Variants in ZFP64 observed in about 807,000 individuals in gnomAD.
ZFP64 encodes the protein ZFP64 zinc finger protein, also known as zinc finger protein 64.
A neutral mutation model predicts 51.6 loss-of-function variants in ZFP64; 14 were observed. That is an observed-to-expected ratio of 0.27 (90% CI 0.18 to 0.42). The LOEUF (loss-of-function observed/expected upper bound fraction) is 0.42, where lower values mean the gene tolerates loss of function less well. Ranked by LOEUF, ZFP64 falls within the 10% of genes least tolerant of loss-of-function variation. ZFP64 has a pLI of 1.00. For missense variants in ZFP64, 754 were observed against 906.8 expected (o/e 0.83, Z 2.16); for synonymous variants, 375 against 361.4 (o/e 1.04, Z -0.43).
chr20:52,173,854 T>C (rs1218967156), intron 2 of ZFP64, among the ~76,000 whole-genome samples: 1 of 152,038 alleles, frequency 6.6e-6, no homozygotes, highest in Non-Finnish European at 1.5e-5. Flanking sequence ...TTCACCATGT[T>C]GGTCAGGCTC....
At chr20:52,114,200 G>A (rs190950256) in intron 5 of ZFP64, among the ~76,000 whole-genome samples, 2 of 152,262 alleles carry the variant, frequency 1.3e-5, no homozygotes, top group East Asian at 3.9e-4. Context: ...TCAAGTAAAC[G>A]GAAACACTGA....
rs568015330 is a variant in ZFP64, at chr20:52,085,508, G to A, written c.1229-242C>T. ...GAGGCTCAGAGAGGTCAAGTTACTTGGCTCAGGTCAAACAGCAGGGATTTG... is the reference window on the plus strand; with the variant it reads ...GAGGCTCAGAGAGGTCAAGTTACTTAGCTCAGGTCAAACAGCAGGGATTTG... On this transcript the variant is annotated intron_variant, in intron 8 of 8. Transcript: ENST00000361387. This position sits in a 1 kb window ranked among gnomAD's most constrained non-coding sequence, Gnocchi z 4.3. 6.6e-6 allele frequency among the ~76,000 whole-genome samples: 1 copy of A among 152,278 alleles called. No individual in the cohort carries two copies. Among genetic ancestry groups the A allele is most frequent in the African/African-American group, 2.4e-5 (1 of 41,542 alleles).
rs6021769 is a variant in ZFP64 at position 52,164,238 on chromosome 20, G to A, written c.511+457C>T. On this transcript the variant is annotated intron_variant, in intron 4 of 5. Coordinates refer to ENST00000216923, the MANE Select transcript of ZFP64 (RefSeq NM_018197.3). ...TGAGGTGGGCGGGTCGAGTGCCACC[G>A]CACTCCAGCCTGGGCGACAGAGTGA... Among the ~76,000 whole-genome samples the A allele has an allele frequency of 2.4e-3, 363 of 152,204 alleles. 1 individual carries two copies. The highest frequency in any genetic ancestry group is 8.0e-3 in the African/African-American group (334 of 41,534).
intron 3 of ZFP64, chr20:52,165,200 T>C: frequency 4.4e-6 from 2 of 457,162 alleles, no homozygotes; most frequent in South Asian, 3.1e-5. Flanking sequence ...GGACACTTGA[T>C]GACGAAATCT....
intron 5 of ZFP64, among the ~76,000 whole-genome samples, chr20:52,154,201 TTAAG>T (rs1221973629): frequency 2.6e-5 from 4 of 152,290 alleles, no homozygotes; most frequent in African/African-American, 9.6e-5. Flanking sequence ...TCAACATTGT[TTAAG>T]TAAGCAAAAT....
At chr20:52,129,190 T>A (rs1469620577) in intron 5 of ZFP64, among the ~76,000 whole-genome samples, 1 of 151,694 alleles carries the variant, frequency 6.6e-6, no homozygotes, top group Non-Finnish European at 1.5e-5. Context: ...CACGCCGTTC[T>A]CCCGCCTCAG....
chr20:52,130,991 G>T (rs1979696867), intron 5 of ZFP64, among the ~76,000 whole-genome samples: 2 of 151,976 alleles, frequency 1.3e-5, no homozygotes, highest in Admixed American at 1.3e-4. Context: ...GCGTGAACCT[G>T]GGAGGCAGAG....
intron 2 of ZFP64, among the ~76,000 whole-genome samples, chr20:52,174,213 C>T (rs983535935): frequency 5.3e-5 from 8 of 150,692 alleles, no homozygotes; most frequent in African/African-American, 1.5e-4. Context: ...GGGCCGGGAG[C>T]GGTGGCTCAC....
At chr20:52,144,842 G>A (rs1980447169) in intron 5 of ZFP64, among the ~76,000 whole-genome samples, 1 of 151,866 alleles carries the variant, frequency 6.6e-6, no homozygotes, top group Admixed American at 6.6e-5. Context: ...GGAATCATAG[G>A]GCCACGTAAT....
chr20:52,096,562 G>A (rs1332942766), intron 7 of ZFP64, among the ~76,000 whole-genome samples: 1 of 152,234 alleles, frequency 6.6e-6, no homozygotes, highest in Non-Finnish European at 1.5e-5. Flanking sequence ...CACAGATTAA[G>A]GGTTGGCAAA....
intron 5 of ZFP64, chr20:52,110,653 G>A: frequency 7.7e-7 from 1 of 1,296,062 alleles, no homozygotes; most frequent in Non-Finnish European, 1.1e-6. Flanking sequence ...TATGCAGCTG[G>A]CCACCAGGCC....
chr20:52,105,123 G>T, intron 5 of ZFP64: 2 of 1,411,938 alleles, frequency 1.4e-6, no homozygotes, highest in Non-Finnish European at 1.8e-6. Context: ...CTCCAGCGGC[G>T]CTACTCACCC....
chr20:52,126,896 C>T (rs1275495051), intron 5 of ZFP64, among the ~76,000 whole-genome samples: 4 of 148,014 alleles, frequency 2.7e-5, no homozygotes, highest in South Asian at 2.1e-4. Flanking sequence ...GTAGGTTTTC[C>T]GTCAGTGGAA....
chr20:52,124,353 G>A (rs760359039), intron 5 of ZFP64, among the ~76,000 whole-genome samples: 20 of 152,096 alleles, frequency 1.3e-4, no homozygotes, highest in African/African-American at 2.2e-4. Flanking sequence ...TCTGGGGAGC[G>A]AAGTTGGAAA....
chr20:52,118,045 G>A (rs1024328738), intron 5 of ZFP64, among the ~76,000 whole-genome samples: 2 of 151,968 alleles, frequency 1.3e-5, no homozygotes, highest in Non-Finnish European at 2.9e-5. Context: ...CAATCCTCCT[G>A]CCCAGATCTC....
intron 7 of ZFP64, among the ~76,000 whole-genome samples, chr20:52,091,979 A>G (rs1301526049): frequency 1.3e-5 from 2 of 151,992 alleles, no homozygotes; most frequent in African/African-American, 2.4e-5. Context: ...AACAAGAGCG[A>G]AACTCCGTCT....
intron 5 of ZFP64, chr20:52,111,082 AG>A: frequency 9.4e-7 from 1 of 1,066,572 alleles, no homozygotes; most frequent in Non-Finnish European, 1.4e-6. Flanking sequence ...GCCCAGGAGA[AG>A]GGGAAGCGGC....
intron 5 of ZFP64, among the ~76,000 whole-genome samples, chr20:52,131,491 T>A (rs1979720588): frequency 6.6e-6 from 1 of 152,046 alleles, no homozygotes; most frequent in Admixed American, 6.5e-5. Flanking sequence ...ACACTTCCCC[T>A]AAACACACAT....
At chr20:52,176,499 ATCTC>A (rs1017134775) in intron 2 of ZFP64, among the ~76,000 whole-genome samples, 7 of 145,236 alleles carry the variant, frequency 4.8e-5, no homozygotes, top group Non-Finnish European at 7.5e-5. Flanking sequence ...TTCTGGTTCA[ATCTC>A]TCTTTTTTTT....
Sources: allele counts gnomAD v4.1 joint callset (sites outside exome capture counted in the v4.1 genomes callset), GRCh38; gene constraint gnomAD v4.1.1; non-coding constraint Gnocchi (gnomAD v3.1); transcripts MANE v1.5; gene names NCBI Gene and HGNC (gene_info 2026-07-23, HGNC 2026-07-21).